TUBAL3: variants seen among roughly 807,000 people sequenced by gnomAD.
The protein encoded by TUBAL3 is tubulin alpha chain-like 3.
A neutral mutation model predicts 15.5 loss-of-function variants in TUBAL3; 16 were observed. The ratio of observed to expected loss-of-function variants is 1.04; its 90% CI spans 0.70 to 1.57. TUBAL3 has a LOEUF of 1.57. Ranked by LOEUF, TUBAL3 falls within the 40% of genes most tolerant of loss-of-function variation. TUBAL3 has a pLI of 0.00. For missense variants in TUBAL3, 609 were observed against 576.2 expected (o/e 1.06, Z -0.58); for synonymous variants, 238 against 224.3 (o/e 1.06, Z -0.55).
In TUBAL3 at chr10:5,400,931, C is replaced by G; in HGVS notation, c.160G>C (p.Ala54Pro). 1 of 1,614,202 alleles carries G rather than the reference C, an allele frequency of 6.2e-7. No homozygotes were observed. Among genetic ancestry groups the G allele is most frequent in the Non-Finnish European group, 8.5e-7 (1 of 1,180,036 alleles). Residue 54 changes from alanine to proline, a missense_variant, in exon 2 of 4, where the codon GCA (alanine) becomes CCA (proline). Physicochemically the swap from Ala to Pro is conservative, Grantham distance 27. Transcript: ENST00000380419. Reference sequence around the variant, plus strand: ...TCACAGAAGAAGGTATCGAAAGATGCATTTGTGTGCTCCATTTTTGCATTT... The same window carrying G: ...TCACAGAAGAAGGTATCGAAAGATGGATTTGTGTGCTCCATTTTTGCATTT... ...LENAKMEHTN[A>P]SFDTFFCETR...
In TUBAL3 at chr10:5,396,177, T is replaced by A. The variant is rs1187095540; in HGVS notation, c.248-702A>T. Among the ~76,000 whole-genome samples, 1 of 152,190 alleles carries A rather than the reference T, an allele frequency of 6.6e-6. No individual in the cohort carries two copies. The highest frequency in any genetic ancestry group is 1.5e-5 in the Non-Finnish European group (1 of 68,040). The stretch of plus-strand genomic sequence containing the variant: ...ATTGGCATTTTGAGACAAGTATTTT[T>A]ATCTACAAATTGCGAACTGTGTGCT... On this transcript the variant is annotated intron_variant, in intron 2 of 3. Coordinates refer to ENST00000380419, the MANE Select transcript of TUBAL3 (RefSeq NM_024803.3). This position sits in a 1 kb window ranked among gnomAD's most constrained non-coding sequence, Gnocchi z 5.1.
chr10:5,393,686 A>G lies in TUBAL3; in HGVS notation c.1172T>C (p.Ile391Thr), dbSNP rs1171452658. Reference sequence around the variant, plus strand: ...GTCCAGGCGGGCCCAGGCCTCCACAATCGCCGTGGTGTTGCTCAGCATGCA... The same window carrying G: ...GTCCAGGCGGGCCCAGGCCTCCACAGTCGCCGTGGTGTTGCTCAGCATGCA... The part of the protein sequence containing the change: ...SICMLSNTTA[I>T]VEAWARLDHK... Residue 391 changes from isoleucine (I) to threonine (T), a missense_variant, in exon 4 of 4, where the codon ATT (isoleucine) becomes ACT (threonine). Transcript: ENST00000380419. The G allele has an allele frequency of 2.5e-6, 4 of 1,614,190 alleles. No homozygotes were observed. The highest frequency in any genetic ancestry group is 1.3e-5 in the African/African-American group (1 of 75,054).
rs374684494 is a variant in TUBAL3 at position 5,394,421 on chromosome 10, C to T, written c.437G>A (p.Arg146Gln). 2.9e-5 allele frequency: 47 copies of T among 1,611,976 alleles called. No individual in the cohort carries two copies. The highest frequency in any genetic ancestry group is 1.7e-4 in the Middle Eastern group (1 of 6,046). The change falls in exon 4 of 4, where the codon CGA (arginine) becomes CAA (glutamine). Residue 146 changes from arginine (R) to glutamine (Q), a missense_variant. Physicochemically the swap from Arg to Gln is conservative, Grantham distance 43. Transcript: ENST00000380419. The surrounding 1 kb of genome is among the most constrained non-coding windows in gnomAD (Gnocchi z 4.3). Reference protein sequence around the residue: ...CGGLQGFLIFRSFGGGTGSGF... With the variant: ...CGGLQGFLIFQSFGGGTGSGF... ...TGAACCAGTGCCTCCTCCAAAGCTT[C>T]GGAAAATCAAAAATCCCTGAAGTCC...
Position 5,395,364 on chromosome 10 carries a change from T to A in TUBAL3, c.359A>T (p.Glu120Val). ...CCTCTCCAGCACAAGGTCGATGACC[T>A]CCGACCCCACAGAGTAACGGCCTCG... Reference protein sequence around the residue: ...YARGRYSVGSEVIDLVLERTR... With the variant: ...YARGRYSVGSVVIDLVLERTR... The change falls in exon 3 of 4, where the codon GAG (glutamate) becomes GTG (valine). Residue 120 changes from glutamate to valine, a missense_variant. Glu to Val is a moderately radical substitution (Grantham distance 121, BLOSUM62 -2). Coordinates refer to ENST00000380419, the MANE Select transcript of TUBAL3 (RefSeq NM_024803.3). The surrounding 1 kb of genome is among the most constrained non-coding windows in gnomAD (Gnocchi z 4.6). The A allele has an allele frequency of 1.2e-6, 2 of 1,601,248 alleles. No individual in the cohort carries two copies. The highest frequency in any genetic ancestry group is 1.7e-4 in the Middle Eastern group (1 of 6,012).
rs782139432 is a variant in TUBAL3 at position 5,394,032 on chromosome 10, TG to T, written c.825del (p.Met276Ter). ...GAGACGATGGGGGCGAAGGCTGTCA[TG>T]GGGAAATGTATTCTCGGATAAGGTA... Reference protein sequence around the residue: ...NLVPYPRIHFPMTAFAPIVSA... With the variant: ...NLVPYPRIHFXMTAFAPIVSA... On this transcript the variant is annotated frameshift_variant, in exon 4 of 4. Transcript: ENST00000380419. LOFTEE classifies it low-confidence loss of function (END_TRUNC). This position sits in a 1 kb window ranked among gnomAD's most constrained non-coding sequence, Gnocchi z 4.3. The T allele has an allele frequency of 6.2e-7, 1 of 1,614,164 alleles. No homozygotes were observed. Among genetic ancestry groups the T allele is most frequent in the Non-Finnish European group, 8.5e-7 (1 of 1,180,014 alleles).
Position 5,395,236 on chromosome 10 carries a change from A to T in TUBAL3, c.396+91T>A, listed in dbSNP as rs1831744721. The T allele has an allele frequency of 2.3e-6, 3 of 1,311,366 alleles. No homozygotes were observed. In the East Asian group the frequency reaches 8.3e-5, roughly 36 times the overall value. 81.2% of individuals were successfully genotyped at this position (1,311,366 alleles called of 1,614,324 possible). ...GCCCAGGGAGAGACGGTTGGTGGCGATGGTGACAGCAGATAATGCTTGTGA... is the reference window on the plus strand; with the variant it reads ...GCCCAGGGAGAGACGGTTGGTGGCGTTGGTGACAGCAGATAATGCTTGTGA... On this transcript the variant is annotated intron_variant, in intron 3 of 3. Coordinates refer to ENST00000380419, the MANE Select transcript of TUBAL3 (RefSeq NM_024803.3). This position sits in a 1 kb window ranked among gnomAD's most constrained non-coding sequence, Gnocchi z 4.6.
chr10:5,400,013 T>G (rs782016059), intron 2 of TUBAL3, among the ~76,000 whole-genome samples: 2 of 152,242 alleles, frequency 1.3e-5, no homozygotes, highest in Non-Finnish European at 2.9e-5. Flanking sequence ...AGCTTTTCTC[T>G]TAAGTCAGTA....
In TUBAL3 at chr10:5,395,041, C is replaced by T. The variant is rs974280209; in HGVS notation, c.396+286G>A. Among the ~76,000 whole-genome samples the T allele has an allele frequency of 3.9e-5, 6 of 152,174 alleles. No individual in the cohort carries two copies. Among genetic ancestry groups the T allele is most frequent in the African/African-American group, 1.4e-4 (6 of 41,434 alleles). ...TTGGAAAGTGACAGGTTTTAGAGTG[C>T]TATGGGAGTCTCTCGTAACAAGATG... is the stretch of plus-strand genomic sequence containing the variant. On this transcript the variant is annotated intron_variant, in intron 3 of 3. Coordinates refer to ENST00000380419, the MANE Select transcript of TUBAL3 (RefSeq NM_024803.3). The surrounding 1 kb of genome is among the most constrained non-coding windows in gnomAD (Gnocchi z 4.6).
At position 5,394,384 on chromosome 10, in the gene TUBAL3, A is replaced by T; in HGVS notation, c.474T>A (p.Ser158=). 1 of 1,614,156 alleles carries T rather than the reference A, an allele frequency of 6.2e-7. No individual in the cohort carries two copies. Among genetic ancestry groups the T allele is most frequent in the South Asian group, 1.1e-5 (1 of 91,082 alleles). Residue 158 remains serine (S), a synonymous_variant, in exon 4 of 4, where the codon TCT becomes TCA. Coordinates refer to ENST00000380419, the MANE Select transcript of TUBAL3 (RefSeq NM_024803.3). This position sits in a 1 kb window ranked among gnomAD's most constrained non-coding sequence, Gnocchi z 4.3. ...CTCCTGTGAGCCTCTCCATTAAGAG[A>T]GACGTAAACCCTGAACCAGTGCCTC... ...FGGGTGSGFT[S]LLMERLTGEY...
At position 5,395,589 on chromosome 10, in the gene TUBAL3, T is replaced by C. The variant is rs774703498; in HGVS notation, c.248-114A>G. On this transcript the variant is annotated intron_variant, in intron 2 of 3. Coordinates refer to ENST00000380419, the MANE Select transcript of TUBAL3 (RefSeq NM_024803.3). This position sits in a 1 kb window ranked among gnomAD's most constrained non-coding sequence, Gnocchi z 4.6. ...TTGACTCCCATGCTTTCTCTCAATA[T>C]TGTGGTCCAGGAATGGAATTTAGAT... 5.9e-6 allele frequency: 7 copies of C among 1,196,232 alleles called. No homozygotes were observed. The South Asian group carries it at 1.1e-4, about 18-fold the overall frequency. 74.1% of individuals were successfully genotyped at this position (1,196,232 alleles called of 1,614,324 possible). A position where few individuals can be genotyped will look rare whatever the true frequency, so the allele number is the denominator to read the frequency against.
In TUBAL3 at chr10:5,395,079, G is replaced by A. The variant is rs896531242; in HGVS notation, c.396+248C>T. 1.1e-4 allele frequency among the ~76,000 whole-genome samples: 16 copies of A among 152,200 alleles called. No individual in the cohort carries two copies. Among genetic ancestry groups the A allele is most frequent in the Non-Finnish European group, 1.9e-4 (13 of 68,032 alleles). ...TCGTAACAAGATGAACCCTGTGTTA[G>A]GAGAACCAGGGATGATCAGGTGATC... On this transcript the variant is annotated intron_variant, in intron 3 of 3. Coordinates refer to ENST00000380419, the MANE Select transcript of TUBAL3 (RefSeq NM_024803.3). This position sits in a 1 kb window ranked among gnomAD's most constrained non-coding sequence, Gnocchi z 4.6.
In TUBAL3 at chr10:5,394,460, G is replaced by A. The variant is rs370277463; in HGVS notation, c.398C>T (p.Ala133Val). The change falls in exon 4 of 4, where the codon GCA becomes GTA. Residue 133 changes from alanine (A) to valine (V), a missense_variant and splice_region_variant. Coordinates refer to ENST00000380419, the MANE Select transcript of TUBAL3 (RefSeq NM_024803.3). This position sits in a 1 kb window ranked among gnomAD's most constrained non-coding sequence, Gnocchi z 4.3. ...DLVLERTRKLAEQCGGLQGFL... is the reference protein window; with the variant it reads ...DLVLERTRKLVEQCGGLQGFL... ...TCCCTGAAGTCCACCACACTGTTCT[G>A]CCTGGAGAAAGTAAATGAGATGTGA... 3.7e-4 allele frequency: 583 copies of A among 1,586,882 alleles called. 1 individual carries two copies. The highest frequency in any genetic ancestry group is 4.6e-4 in the Non-Finnish European group (543 of 1,167,996).
chr10:5,404,660 G>T, intron 1 of TUBAL3, 130 bp downstream of exon 1: 1 of 988,294 alleles, frequency 1.0e-6, no homozygotes, highest in Non-Finnish European at 1.5e-6. Flanking sequence ...GACATTGAAA[G>T]AAACAAATGT....
At position 5,401,015 on chromosome 10, in the gene TUBAL3, G is replaced by A; in HGVS notation, c.76C>T (p.Leu26=). The A allele has an allele frequency of 6.2e-7, 1 of 1,614,220 alleles. No homozygotes were observed. The highest frequency in any genetic ancestry group is 8.5e-7 in the Non-Finnish European group (1 of 1,180,042). ...CCATTTGGCTGGATTCCATGTTCCA[G>A]GCAATAGAGTTCCCAGCAGGCGTCC... ...IGDACWELYC[L]EHGIQPNGVV... The change falls in exon 2 of 4, where the codon CTG becomes TTG. Residue 26 remains leucine (L), a synonymous_variant. Coordinates refer to ENST00000380419, the MANE Select transcript of TUBAL3 (RefSeq NM_024803.3).
chr10:5,395,390 C>A lies in TUBAL3; in HGVS notation c.333G>T (p.Ala111=). The A allele has an allele frequency of 1.2e-6, 2 of 1,606,676 alleles. No individual in the cohort carries two copies. Among genetic ancestry groups the A allele is most frequent in the East Asian group, 2.3e-5 (1 of 44,232 alleles). The change falls in exon 3 of 4, where the codon GCG becomes GCT. Residue 111 remains alanine, a synonymous_variant. Transcript: ENST00000380419. This position sits in a 1 kb window ranked among gnomAD's most constrained non-coding sequence, Gnocchi z 4.6. ...CCGACCCCACAGAGTAACGGCCTCG[C>A]GCGTAATTGTTAGCAGCATCCTCCT... ...SGKEDAANNY[A]RGRYSVGSEV...
At position 5,393,821 on chromosome 10, in the gene TUBAL3, T is replaced by G; in HGVS notation, c.1037A>C (p.His346Pro). The G allele has an allele frequency of 6.2e-7, 1 of 1,614,120 alleles. No homozygotes were observed. The highest frequency in any genetic ancestry group is 8.5e-7 in the Non-Finnish European group (1 of 1,180,008). ...ACACCAATCTACAAACTGAACAGAGTGCCTCGACTTCGTGGCTGCGATTGC... is the reference window on the plus strand; with the variant it reads ...ACACCAATCTACAAACTGAACAGAGGGCCTCGACTTCGTGGCTGCGATTGC... ...NAAIAATKSR[H>P]SVQFVDWCPT... Residue 346 changes from histidine to proline, a missense_variant, in exon 4 of 4, where the codon CAC becomes CCC. By Grantham distance (77) the His-to-Pro change is moderately conservative (BLOSUM62 -2). Coordinates refer to ENST00000380419, the MANE Select transcript of TUBAL3 (RefSeq NM_024803.3).
In TUBAL3 at chr10:5,393,746, G is replaced by A. The variant is rs201629154; in HGVS notation, c.1112C>T (p.Pro371Leu). 95 of 1,614,182 alleles carry A rather than the reference G, an allele frequency of 5.9e-5. No individual in the cohort carries two copies. Among genetic ancestry groups the A allele is most frequent in the South Asian group, 2.7e-4 (25 of 91,076 alleles). ...GINNRPPTVMPGGDLAKVHRS... is the reference protein window; with the variant it reads ...GINNRPPTVMLGGDLAKVHRS... Reference sequence around the variant, plus strand: ...GTGGACTTTGGCCAGGTCCCCACCCGGCATCACCGTGGGCGGCCGATTGTT... The same window carrying A: ...GTGGACTTTGGCCAGGTCCCCACCCAGCATCACCGTGGGCGGCCGATTGTT... Residue 371 changes from proline (P) to leucine (L), a missense_variant, in exon 4 of 4, where the codon CCG becomes CTG. Pro to Leu is a moderately conservative substitution (Grantham distance 98). Coordinates refer to ENST00000380419, the MANE Select transcript of TUBAL3 (RefSeq NM_024803.3).
chr10:5,401,430 A>ATG (rs5782825), intron 1 of TUBAL3, among the ~76,000 whole-genome samples: 5,022 of 149,912 alleles, frequency 0.033, 150 homozygotes, highest in African/African-American at 0.085. Context: ...TATAGGTGAG[A>ATG]TGTGTGTGTG....
chr10:5,404,203 G>T (rs74373056), intron 1 of TUBAL3, among the ~76,000 whole-genome samples: 3,196 of 152,232 alleles, frequency 0.021, 97 homozygotes, highest in African/African-American at 0.073. Context: ...TTCCATTGAA[G>T]AATTAAAAAT....
Sources: allele counts gnomAD v4.1 joint callset (sites outside exome capture counted in the v4.1 genomes callset), GRCh38; gene constraint gnomAD v4.1.1; non-coding constraint Gnocchi (gnomAD v3.1); transcripts MANE v1.5; gene names NCBI Gene and HGNC (gene_info 2026-07-23, HGNC 2026-07-21).